The following HEATR3 variants were observed in gnomAD, a reference collection of about 807,000 sequenced individuals.
The protein encoded by HEATR3 is HEAT repeat-containing protein 3.
In HEATR3, 56 loss-of-function variants were observed where a neutral mutation model predicts 72.8. That is an observed-to-expected ratio of 0.77 (90% CI 0.62 to 0.96). The LOEUF is 0.96. Among genes scored for constraint, HEATR3 ranks in the 40% least tolerant of loss-of-function variants. HEATR3 has a pLI of 0.00. For synonymous variants in HEATR3, 331 were observed against 318.1 expected, an observed-to-expected ratio of 1.04 and a Z score of -0.43; for missense variants, 747 against 831.4, an observed-to-expected ratio of 0.90 and a Z score of 1.25.
At position 50,072,730 on chromosome 16, in the gene HEATR3, G is replaced by T. The variant is rs1450922404; in HGVS notation, c.622+16G>T. 7.0e-7 allele frequency: 1 copy of T among 1,430,048 alleles called. No individual in the cohort carries two copies. Among genetic ancestry groups the T allele is most frequent in the Non-Finnish European group, 9.9e-7 (1 of 1,011,674 alleles). 88.6% of individuals were successfully genotyped at this position (1,430,048 alleles called of 1,614,324 possible). A position where few individuals can be genotyped will look rare whatever the true frequency, so the allele number is the denominator to read the frequency against. ...ATTTCAGTAGGTAAGTGAAGAAAAG[G>T]TGATGACTTATTAAGAATGTGTAGC... On this transcript the variant is annotated intron_variant, in intron 5 of 14. Coordinates refer to ENST00000299192, the MANE Select transcript of HEATR3 (RefSeq NM_182922.4).
intron 3 of HEATR3, 117 bp from the exon 4 acceptor site, chr16:50,070,061 T>A: frequency 3.9e-6 from 2 of 513,192 alleles, no homozygotes; most frequent in Non-Finnish European, 3.6e-6. Context: ...AGGATTCGAC[T>A]GGCTTGTTAA....
chr16:50,069,941 CAG>C (rs757533921), intron 3 of HEATR3, among the ~76,000 whole-genome samples: 2 of 152,210 alleles, frequency 1.3e-5, no homozygotes, highest in Non-Finnish European at 2.9e-5. Flanking sequence ...ATGTAATAAA[CAG>C]AAGGTGCTAG....
At chr16:50,083,889 T>G in intron 7 of HEATR3, 48 bp from the exon 8 acceptor site, 1 of 1,532,000 alleles carries the variant, frequency 6.5e-7, no homozygotes, top group Non-Finnish European at 8.8e-7. Flanking sequence ...CAAAAACATT[T>G]TCCCAACCAT....
intron 2 of HEATR3, among the ~76,000 whole-genome samples, chr16:50,067,173 G>A (rs1400448285): frequency 6.6e-6 from 1 of 152,048 alleles, no homozygotes; most frequent in African/African-American, 2.4e-5. Context: ...GGGCAACATA[G>A]CAAGACCCCG....
chr16:50,097,178 TATG>T (rs1311852739), intron 12 of HEATR3, among the ~76,000 whole-genome samples: 2 of 152,084 alleles, frequency 1.3e-5, no homozygotes, highest in African/African-American at 4.8e-5. Flanking sequence ...TCACAAATCA[TATG>T]ATATTATAAA....
intron 11 of HEATR3, among the ~76,000 whole-genome samples, chr16:50,089,391 T>C (rs1319182949): frequency 1.3e-5 from 1 of 79,402 alleles, no homozygotes; most frequent in Non-Finnish European, 3.0e-5. Context: ...TTCCAGGGAT[T>C]GGTAGTCTGA....
chr16:50,093,412 T>A (rs2037163134), intron 11 of HEATR3, among the ~76,000 whole-genome samples: 1 of 152,198 alleles, frequency 6.6e-6, no homozygotes, highest in Non-Finnish European at 1.5e-5. Context: ...AGGCCAGTGG[T>A]TCTCAACCAT....
At chr16:50,066,325 G>C in intron 1 of HEATR3, 42 bp from the exon 2 acceptor site, 1 of 1,563,436 alleles carries the variant, frequency 6.4e-7, no homozygotes, top group East Asian at 2.3e-5. Flanking sequence ...CCGCGCGCGT[G>C]CGCATTGCGC....
chr16:50,069,528 G>A (rs1205149015), intron 3 of HEATR3, among the ~76,000 whole-genome samples: 1 of 152,174 alleles, frequency 6.6e-6, no homozygotes, highest in Non-Finnish European at 1.5e-5. Context: ...GGAGACATTG[G>A]TTGTTACAGA....
chr16:50,096,827 A>G (rs982930659), intron 12 of HEATR3, among the ~76,000 whole-genome samples: 1 of 152,184 alleles, frequency 6.6e-6, no homozygotes, highest in Admixed American at 6.5e-5. Context: ...TGTACAATTC[A>G]GTGGTTTTAG....
chr16:50,092,007 A>G (rs1485003708), intron 11 of HEATR3, among the ~76,000 whole-genome samples: 1 of 152,066 alleles, frequency 6.6e-6, no homozygotes, highest in Non-Finnish European at 1.5e-5. Flanking sequence ...TCATATATAC[A>G]CTTTGCAGTC....
chr16:50,076,929 G>A (rs1020827620), intron 6 of HEATR3, among the ~76,000 whole-genome samples: 8 of 147,132 alleles, frequency 5.4e-5, no homozygotes, highest in African/African-American at 1.5e-4. Flanking sequence ...AGTGCGTGGC[G>A]CGATCTCCAC....
chr16:50,066,680 A>G (rs1431215020), intron 2 of HEATR3, 141 bp downstream of exon 2: 1 of 779,872 alleles, frequency 1.3e-6, no homozygotes, highest in Non-Finnish European at 1.7e-6. Context: ...ATTTGAAGCC[A>G]GTCTCCAGGC....
rs1415679484 is a variant in HEATR3, at chr16:50,105,139, A to G, written c.*78A>G. 12 of 1,448,798 alleles carry G rather than the reference A, an allele frequency of 8.3e-6. No homozygotes were observed. Among genetic ancestry groups the G allele is most frequent in the African/African-American group, 1.4e-5 (1 of 69,926 alleles). 89.7% of individuals were successfully genotyped at this position (1,448,798 alleles called of 1,614,324 possible). A position where few individuals can be genotyped will look rare whatever the true frequency, so the allele number is the denominator to read the frequency against. On this transcript the variant is annotated 3_prime_UTR_variant, in exon 15 of 15. Transcript: ENST00000299192. ...ACTAAAAGGTTTTCTTTGAATGTAT[A>G]TGTTTCTGAAAGTCATTTTTTAATG...
intron 12 of HEATR3, among the ~76,000 whole-genome samples, chr16:50,096,904 A>G (rs374720692): frequency 1.3e-5 from 2 of 151,996 alleles, no homozygotes; most frequent in African/African-American, 2.4e-5. Context: ...TTCCCCATAC[A>G]CTTACCCATT....
intron 12 of HEATR3, among the ~76,000 whole-genome samples, chr16:50,099,517 G>T (rs972288152): frequency 3.3e-5 from 5 of 152,016 alleles, no homozygotes. Flanking sequence ...TTGAACCCAG[G>T]GTTCAATCTC....
At chr16:50,104,139 C>G (rs1214794069) in intron 14 of HEATR3, among the ~76,000 whole-genome samples, 1 of 152,126 alleles carries the variant, frequency 6.6e-6, no homozygotes, top group Non-Finnish European at 1.5e-5. Context: ...CACTTGAGCC[C>G]ACGAGTTCAA....
intron 11 of HEATR3, among the ~76,000 whole-genome samples, chr16:50,091,234 A>T (rs7498242): frequency 0.62 from 94,044 of 151,864 alleles, 30,870 homozygotes; most frequent in South Asian, 0.72. Flanking sequence ...TGGGAGGCCA[A>T]GGTGGGCAGA....
At chr16:50,093,883 ACTTTGTATT>A (rs769521936) in intron 11 of HEATR3, among the ~76,000 whole-genome samples, 1 of 152,156 alleles carries the variant, frequency 6.6e-6, no homozygotes, top group Non-Finnish European at 1.5e-5. Context: ...CTAGCCCGTC[ACTTTGTATT>A]CTGTTGGTTG....
Sources: allele counts gnomAD v4.1 joint callset (sites outside exome capture counted in the v4.1 genomes callset), GRCh38; gene constraint gnomAD v4.1.1; transcripts MANE v1.5; gene names NCBI Gene and HGNC (gene_info 2026-07-23, HGNC 2026-07-21).